The following REDIC1 variants were observed in gnomAD, a reference collection of about 807,000 sequenced individuals.
The protein encoded by REDIC1 is regulator of DNA class I crossover intermediates 1.
the REDIC1 span, chr12:39,721,971 A>T: frequency 6.6e-6 from 1 of 152,094 alleles, no homozygotes; most frequent in African/African-American, 2.4e-5. Context: ...CCTATTCTAA[A>T]ATATAGGCTT....
the REDIC1 span, among the ~76,000 whole-genome samples, chr12:39,852,227 T>C: frequency 2.1e-4 from 32 of 152,288 alleles, no homozygotes; most frequent in Non-Finnish European, 7.4e-5. Context: ...ACTGAGTCCA[T>C]AAGGGAGAAA....
At chr12:39,680,786 A>T in the REDIC1 span, among the ~76,000 whole-genome samples, 2 of 149,586 alleles carry the variant, frequency 1.3e-5, no homozygotes, top group South Asian at 2.1e-4. Flanking sequence ...ACACACACAC[A>T]CTCTCTCACA....
chr12:39,871,991 T>C, the REDIC1 span: 18 of 1,507,652 alleles, frequency 1.2e-5, no homozygotes, highest in South Asian at 1.9e-4. Context: ...ACAATTGCTA[T>C]TGATAGTTAC....
chr12:39,841,024 TCAC>T, the REDIC1 span, among the ~76,000 whole-genome samples: 6 of 152,120 alleles, frequency 3.9e-5, no homozygotes, highest in Non-Finnish European at 8.8e-5. Flanking sequence ...TCCTTACAAT[TCAC>T]GGCTCTCAGA....
chr12:39,673,839 T>C, the REDIC1 span, among the ~76,000 whole-genome samples: 78 of 152,340 alleles, frequency 5.1e-4, 2 homozygotes, highest in South Asian at 0.015. Context: ...TGTTAGTGGT[T>C]CATTGTCTTT....
chr12:39,802,555 A>G, the REDIC1 span, among the ~76,000 whole-genome samples: 1 of 152,192 alleles, frequency 6.6e-6, no homozygotes, highest in Non-Finnish European at 1.5e-5. Flanking sequence ...AAGCAGAGAT[A>G]CCCACCCACT....
the REDIC1 span, among the ~76,000 whole-genome samples, chr12:39,786,231 A>C: frequency 1.3e-5 from 2 of 152,136 alleles, no homozygotes; most frequent in African/African-American, 4.8e-5. Context: ...TAATTGAATC[A>C]TGGGGGCTGG....
At chr12:39,692,262 A>G in the REDIC1 span, 1 of 702,274 alleles carries the variant, frequency 1.4e-6, no homozygotes. Flanking sequence ...GACTCGTTAA[A>G]ATTACTTTTA....
chr12:39,647,876 G>A, the REDIC1 span: 1 of 1,607,372 alleles, frequency 6.2e-7, no homozygotes, highest in Non-Finnish European at 8.5e-7. Flanking sequence ...ATCTTTTTCA[G>A]TGGAGTTACC....
chr12:39,872,827 T>C, the REDIC1 span, among the ~76,000 whole-genome samples: 1 of 152,228 alleles, frequency 6.6e-6, no homozygotes, highest in Admixed American at 6.5e-5. Flanking sequence ...AATTCAAATC[T>C]TAAATACACA....
At chr12:39,639,038 C>T in the REDIC1 span, among the ~76,000 whole-genome samples, 7 of 152,046 alleles carry the variant, frequency 4.6e-5, no homozygotes, top group South Asian at 2.1e-4. Flanking sequence ...GTCTGGATTG[C>T]GTAATATTGC....
the REDIC1 span, among the ~76,000 whole-genome samples, chr12:39,629,365 A>G: frequency 1.3e-5 from 2 of 152,206 alleles, no homozygotes; most frequent in Non-Finnish European, 2.9e-5. Flanking sequence ...AATGAAGCAA[A>G]TTTATGTTTT....
chr12:39,876,186 A>G, the REDIC1 span, among the ~76,000 whole-genome samples: 6 of 152,218 alleles, frequency 3.9e-5, no homozygotes, highest in African/African-American at 1.4e-4. Flanking sequence ...AGAACAGCCA[A>G]GGCCGGAAAT....
At chr12:39,822,263 T>C in the REDIC1 span, among the ~76,000 whole-genome samples, 1 of 152,088 alleles carries the variant, frequency 6.6e-6, no homozygotes, top group Non-Finnish European at 1.5e-5. Context: ...AGCCAACTGA[T>C]TTTCTTCTTC....
chr12:39,891,160 A>G, the REDIC1 span, among the ~76,000 whole-genome samples: 7 of 149,670 alleles, frequency 4.7e-5, no homozygotes, highest in African/African-American at 1.5e-4. Context: ...TGCATCTAGG[A>G]TGCTTGTCCT....
At chr12:39,830,356 T>G in the REDIC1 span, 3 of 1,449,490 alleles carry the variant, frequency 2.1e-6, no homozygotes, top group Non-Finnish European at 2.7e-6. Flanking sequence ...GGGACTTGTT[T>G]TGGCCAAGGA....
the REDIC1 span, among the ~76,000 whole-genome samples, chr12:39,858,769 G>C: frequency 2.9e-4 from 44 of 152,152 alleles, no homozygotes; most frequent in African/African-American, 1.0e-3. Context: ...ACCACACTTG[G>C]CTAATTTTTT....
At chr12:39,795,551 T>C in the REDIC1 span, among the ~76,000 whole-genome samples, 833 of 152,278 alleles carry the variant, frequency 5.5e-3, 4 homozygotes, top group Non-Finnish European at 7.7e-3. Flanking sequence ...TTCCCTGGTA[T>C]ATTTTATGTC....
the REDIC1 span, among the ~76,000 whole-genome samples, chr12:39,891,641 A>T: frequency 7.9e-5 from 12 of 152,292 alleles, no homozygotes; most frequent in African/African-American, 2.9e-4. Context: ...ATTACTGCTG[A>T]CAATCCTTAA....
Sources: allele counts gnomAD v4.1 joint callset (sites outside exome capture counted in the v4.1 genomes callset), GRCh38; gene constraint gnomAD v4.1.1; transcripts MANE v1.5; gene names NCBI Gene and HGNC (gene_info 2026-07-23, HGNC 2026-07-21).